COL25A1: variants seen among roughly 807,000 people sequenced by gnomAD.
The protein encoded by COL25A1 is collagen type XXV alpha 1 chain.
A neutral mutation model predicts 128.4 loss-of-function variants in COL25A1; 103 were observed. That is an observed-to-expected ratio of 0.80 (90% CI 0.68 to 0.94). The LOEUF is 0.94. COL25A1 is among the 40% of genes least tolerant of loss of function. The pLI, the probability that COL25A1 is intolerant of heterozygous loss-of-function variation, is 0.00. For synonymous variants in COL25A1, 279 were observed against 277.2 expected, an observed-to-expected ratio of 1.01 and a Z score of -0.06; for missense variants, 745 against 840.0, an observed-to-expected ratio of 0.89 and a Z score of 1.40.
intron 3 of COL25A1, among the ~76,000 whole-genome samples, chr4:109,201,417 C>T (rs1776545299): frequency 6.6e-6 from 1 of 152,056 alleles, no homozygotes; most frequent in Non-Finnish European, 1.5e-5. Context: ...GATGCAGAAA[C>T]AATATTTGAC....
chr4:108,854,933 T>C (rs1219385549), intron 24 of COL25A1, among the ~76,000 whole-genome samples: 2 of 152,164 alleles, frequency 1.3e-5, no homozygotes, highest in Admixed American at 6.6e-5. Context: ...CGTGTCTAAG[T>C]CTGAATCTCT....
At chr4:108,877,126 T>A (rs527819981) in intron 19 of COL25A1, among the ~76,000 whole-genome samples, 2 of 152,326 alleles carry the variant, frequency 1.3e-5, no homozygotes, top group African/African-American at 4.8e-5. Flanking sequence ...AGGCTGCTAA[T>A]TTGAACAAAA....
At chr4:109,140,083 T>C (rs1217781609) in intron 3 of COL25A1, among the ~76,000 whole-genome samples, 4 of 152,214 alleles carry the variant, frequency 2.6e-5, no homozygotes, top group African/African-American at 9.6e-5. Flanking sequence ...TGTTGGACAT[T>C]TGGGTTGGTT....
chr4:109,039,218 T>C (rs1193960405), intron 5 of COL25A1, among the ~76,000 whole-genome samples: 1 of 152,124 alleles, frequency 6.6e-6, no homozygotes, highest in African/African-American at 2.4e-5. Flanking sequence ...CAGAATGGCC[T>C]TCTCAAATGT....
chr4:109,070,711 G>C (rs925414102), intron 3 of COL25A1, among the ~76,000 whole-genome samples: 3 of 122,908 alleles, frequency 2.4e-5, no homozygotes, highest in Non-Finnish European at 4.8e-5. Context: ...AACAGGCCCG[G>C]TGTGTGATGT....
At chr4:109,009,700 G>A (rs1228458941) in intron 6 of COL25A1, among the ~76,000 whole-genome samples, 1 of 151,934 alleles carries the variant, frequency 6.6e-6, no homozygotes, top group East Asian at 1.9e-4. Flanking sequence ...AGAATCCTAG[G>A]GATTATAATT....
At chr4:108,861,000 A>G in intron 22 of COL25A1, 29 bp from the exon 23 acceptor site, 1 of 1,601,110 alleles carries the variant, frequency 6.2e-7, no homozygotes, top group Admixed American at 1.7e-5. Context: ...GAAAAAACTT[A>G]ATCAGAAGTG....
intron 3 of COL25A1, among the ~76,000 whole-genome samples, chr4:109,131,511 A>ACATATTT (rs1769199239): frequency 6.6e-6 from 1 of 152,162 alleles, no homozygotes; most frequent in Admixed American, 6.5e-5. Context: ...ATTTAACACC[A>ACATATTT]CATATTTCAT....
intron 3 of COL25A1, among the ~76,000 whole-genome samples, chr4:109,115,164 A>T (rs1767419138): frequency 6.6e-6 from 1 of 152,132 alleles, no homozygotes; most frequent in African/African-American, 2.4e-5. Context: ...TATAATGAAC[A>T]TAAACAGCAG....
At chr4:109,103,503 T>G (rs1274755923) in intron 3 of COL25A1, among the ~76,000 whole-genome samples, 1 of 152,092 alleles carries the variant, frequency 6.6e-6, no homozygotes, top group African/African-American at 2.4e-5. Flanking sequence ...GTCATGCTTA[T>G]AAGTCACCAA....
At chr4:108,924,226 C>T (rs1359927198) in intron 11 of COL25A1, among the ~76,000 whole-genome samples, 2 of 152,100 alleles carry the variant, frequency 1.3e-5, no homozygotes, top group Non-Finnish European at 2.9e-5. Flanking sequence ...CATGGAGTAA[C>T]ATCACTAATC....
intron 3 of COL25A1, among the ~76,000 whole-genome samples, chr4:109,226,928 T>C (rs1778843469): frequency 6.6e-6 from 1 of 152,124 alleles, no homozygotes; most frequent in African/African-American, 2.4e-5. Flanking sequence ...ACCAGATTCA[T>C]AAAGAAATTG....
At chr4:109,236,003 A>G (rs2126225513) in intron 3 of COL25A1, among the ~76,000 whole-genome samples, 1 of 152,254 alleles carries the variant, frequency 6.6e-6, no homozygotes, top group Non-Finnish European at 1.5e-5. Context: ...AATATACTGT[A>G]GGTGCTTAAT....
At chr4:108,941,270 C>T in intron 9 of COL25A1, 96 bp downstream of exon 9, 2 of 932,236 alleles carry the variant, frequency 2.1e-6, no homozygotes, top group Non-Finnish European at 3.4e-6. Flanking sequence ...ATACCACCCA[C>T]ACCCCACCCA....
rs182982005 is a variant in COL25A1 at position 109,133,471 on chromosome 4, C to T, written c.368-83292G>A. ...AGACATTGAAGGAAAAAAATATCCACAGTACAAATTAAGAAAACAACAAGC... is the reference window on the plus strand; with the variant it reads ...AGACATTGAAGGAAAAAAATATCCATAGTACAAATTAAGAAAACAACAAGC... On this transcript the variant is annotated intron_variant, in intron 3 of 37. Coordinates refer to ENST00000399132, the MANE Select transcript of COL25A1 (RefSeq NM_198721.4). 1.5e-3 allele frequency among the ~76,000 whole-genome samples: 222 copies of T among 152,086 alleles called. 1 individual carries two copies. Among genetic ancestry groups the T allele is most frequent in the Admixed American group, 4.3e-3 (66 of 15,280 alleles).
chr4:109,153,047 T>C lies in COL25A1; in HGVS notation c.368-102868A>G, dbSNP rs556432086. Among the ~76,000 whole-genome samples the C allele has an allele frequency of 8.5e-5, 13 of 152,246 alleles. No homozygotes were observed. The South Asian group carries it at 2.7e-3, about 32-fold the overall frequency. On this transcript the variant is annotated intron_variant, in intron 3 of 37. Transcript: ENST00000399132. ...ATATGTTATATATCATGTATTAATATATTATACCACAATTTTAAAGATTTA... is the reference window on the plus strand; with the variant it reads ...ATATGTTATATATCATGTATTAATACATTATACCACAATTTTAAAGATTTA...
chr4:108,902,436 G>A (rs1410352421), intron 13 of COL25A1, among the ~76,000 whole-genome samples: 2 of 151,956 alleles, frequency 1.3e-5, no homozygotes, highest in Non-Finnish European at 2.9e-5. Flanking sequence ...TTAACACCAT[G>A]TTACACTGAT....
chr4:109,045,107 T>C (rs1051779395), intron 5 of COL25A1, among the ~76,000 whole-genome samples: 1 of 152,214 alleles, frequency 6.6e-6, no homozygotes, highest in African/African-American at 2.4e-5. Context: ...TAAATGTATT[T>C]TCTCTTCACT....
intron 10 of COL25A1, among the ~76,000 whole-genome samples, chr4:108,938,223 C>T (rs1373383132): frequency 6.6e-6 from 1 of 152,088 alleles, no homozygotes; most frequent in Non-Finnish European, 1.5e-5. Flanking sequence ...GCTGAAGTAA[C>T]ATGTTTCATT....
Sources: gnomAD v4.1 joint callset for allele counts (sites outside exome capture counted in the v4.1 genomes callset) on GRCh38, gnomAD v4.1.1 for gene constraint, MANE v1.5 for transcripts, NCBI Gene and HGNC (gene_info 2026-07-23, HGNC 2026-07-21) for gene names.